The following TET1 variants were observed in gnomAD, a reference collection of about 807,000 sequenced individuals.
TET1 encodes methylcytosine dioxygenase TET1.
Under a neutral mutation model 148.7 loss-of-function variants are expected in TET1, and 13 were observed. The observed-to-expected ratio is 0.09, with a 90% CI of 0.06 to 0.14. The LOEUF is 0.14. Ranked by LOEUF, TET1 falls within the 10% of genes least tolerant of loss-of-function variation. The probability of loss-of-function intolerance (pLI) is 1.00; values close to 1 mark genes in which losing one functional copy is unlikely to be tolerated. For synonymous variants in TET1, 907 were observed against 937.2 expected, an observed-to-expected ratio of 0.97 and a Z score of 0.59; for missense variants, 2,182 against 2,553.8, an observed-to-expected ratio of 0.85 and a Z score of 3.14.
intron 8 of TET1, among the ~76,000 whole-genome samples, chr10:68,676,288 T>TC (rs2055360352): frequency 8.3e-6 from 1 of 119,930 alleles, no homozygotes; most frequent in East Asian, 2.3e-4. Flanking sequence ...TTTTTTTTTT[T>TC]TTTTTTTTCT....
chr10:68,658,478 CT>C (rs2055058235), intron 6 of TET1, among the ~76,000 whole-genome samples: 1 of 152,154 alleles, frequency 6.6e-6, no homozygotes, highest in Non-Finnish European at 1.5e-5. Flanking sequence ...TATTGCTTCT[CT>C]TTTTAATGAT....
At chr10:68,600,041 C>T (rs1019395768) in intron 2 of TET1, among the ~76,000 whole-genome samples, 2 of 152,144 alleles carry the variant, frequency 1.3e-5, no homozygotes, top group East Asian at 3.9e-4. Flanking sequence ...CTGGGCAAAG[C>T]GCCTGCTGCA....
intron 10 of TET1, among the ~76,000 whole-genome samples, chr10:68,686,137 A>G (rs927833357): frequency 6.6e-6 from 1 of 152,236 alleles, no homozygotes; most frequent in African/African-American, 2.4e-5. Context: ...AGAAAATTAA[A>G]TATTATTCTG....
intron 6 of TET1, among the ~76,000 whole-genome samples, chr10:68,656,832 C>G (rs968997254): frequency 6.6e-6 from 1 of 151,848 alleles, no homozygotes; most frequent in Non-Finnish European, 1.5e-5. Flanking sequence ...TTGAGACCAT[C>G]CTGGACAATA....
At chr10:68,624,660 C>CCTTCTTTCTTTCTTTCTTTCTT (rs2054440434) in intron 3 of TET1, among the ~76,000 whole-genome samples, 6 of 74,458 alleles carry the variant, frequency 8.1e-5, no homozygotes, top group African/African-American at 3.2e-4. Flanking sequence ...TTCTTTCTTT[C>CCTTCTTTCTTTCTTTCTTTCTT]TCTCTCTCTC....
At chr10:68,632,930 T>C (rs921708383) in intron 3 of TET1, among the ~76,000 whole-genome samples, 2 of 150,662 alleles carry the variant, frequency 1.3e-5, no homozygotes, top group Non-Finnish European at 3.0e-5. Flanking sequence ...AGCATTTAAA[T>C]GGTATTTGAA....
At chr10:68,565,476 ATAT>A (rs1389213413) in intron 1 of TET1, among the ~76,000 whole-genome samples, 361 of 94,024 alleles carry the variant, frequency 3.8e-3, no homozygotes, top group African/African-American at 0.011. Context: ...AAAAAAAAAA[ATAT>A]ATATATATAT....
chr10:68,676,057 A>G (rs1429432516), intron 8 of TET1, among the ~76,000 whole-genome samples: 1 of 150,786 alleles, frequency 6.6e-6, no homozygotes, highest in Admixed American at 6.6e-5. Context: ...GGGTTTCACC[A>G]TCTTGGCCAG....
rs185767452 is a variant in TET1 at position 68,616,816 on chromosome 10, T to C, written c.1968+15782T>C. 3.4e-3 allele frequency among the ~76,000 whole-genome samples: 500 copies of C among 148,918 alleles called. 10 individuals are homozygous for C. Among genetic ancestry groups the C allele is most frequent in the Admixed American group, 0.024 (352 of 14,718 alleles). On this transcript the variant is annotated intron_variant, in intron 3 of 11. Coordinates refer to ENST00000373644, the MANE Select transcript of TET1 (RefSeq NM_030625.3). ...TCTGCCTCCCGGGTTCATGCCATTC[T>C]CCTGCCTCAGCCTCCCGAGCAGCTG...
chr10:68,614,699 T>G (rs1410750048), intron 3 of TET1, among the ~76,000 whole-genome samples: 1 of 152,132 alleles, frequency 6.6e-6, no homozygotes, highest in Admixed American at 6.6e-5. Flanking sequence ...GTTCAAGCAG[T>G]TCTCGTGCCT....
At chr10:68,599,629 C>G (rs1008116265) in intron 2 of TET1, among the ~76,000 whole-genome samples, 1 of 152,184 alleles carries the variant, frequency 6.6e-6, no homozygotes, top group Non-Finnish European at 1.5e-5. Flanking sequence ...GCTCAGGTCC[C>G]GATCCCTGGG....
chr10:68,622,938 C>T (rs191561460), intron 3 of TET1, among the ~76,000 whole-genome samples: 30 of 152,142 alleles, frequency 2.0e-4, no homozygotes, highest in African/African-American at 6.5e-4. Flanking sequence ...GCATTTTTGG[C>T]AATAATCCAC....
At chr10:68,624,671 TC>T (rs2054443017) in intron 3 of TET1, among the ~76,000 whole-genome samples, 1 of 97,890 alleles carries the variant, frequency 1.0e-5, no homozygotes, top group Non-Finnish European at 2.2e-5. Context: ...TCTCTCTCTC[TC>T]TCTCTCTCTC....
At chr10:68,653,196 T>C (rs566809668) in intron 6 of TET1, among the ~76,000 whole-genome samples, 2 of 152,140 alleles carry the variant, frequency 1.3e-5, no homozygotes, top group Non-Finnish European at 1.5e-5. Context: ...GTATTTTATA[T>C]TTATCCTGGT....
chr10:68,689,630 G>C (rs2055563064), intron 11 of TET1, among the ~76,000 whole-genome samples: 1 of 152,090 alleles, frequency 6.6e-6, no homozygotes, highest in Non-Finnish European at 1.5e-5. Context: ...CAAAAAATTA[G>C]CTGGGTGTGG....
intron 7 of TET1, among the ~76,000 whole-genome samples, chr10:68,669,483 T>TTTTTTTTTTTTG: frequency 7.3e-6 from 1 of 137,652 alleles, no homozygotes; most frequent in Non-Finnish European, 1.6e-5. Context: ...GCTTTTTTTT[T>TTTTTTTTTTTTG]TTTTTTTTTG....
chr10:68,606,226 G>C (rs1372949147), intron 3 of TET1, among the ~76,000 whole-genome samples: 1 of 152,124 alleles, frequency 6.6e-6, no homozygotes, highest in South Asian at 2.1e-4. Flanking sequence ...TATTCGCCAG[G>C]TGTGGTGGCA....
At chr10:68,672,693 T>TC (rs1380184386) in intron 7 of TET1, among the ~76,000 whole-genome samples, 6 of 152,034 alleles carry the variant, frequency 3.9e-5, no homozygotes, top group African/African-American at 1.2e-4. Context: ...TTAACCCTGG[T>TC]CCCCTAGTCA....
chr10:68,689,301 A>G lies in TET1; in HGVS notation c.5405-1507A>G, dbSNP rs141120870. ...GAGCTTCTGAAATTGATCATTATGTATTATATTATCAATTTATTATATTTT... is the reference window on the plus strand; with the variant it reads ...GAGCTTCTGAAATTGATCATTATGTGTTATATTATCAATTTATTATATTTT... On this transcript the variant is annotated intron_variant, in intron 11 of 11. Coordinates refer to ENST00000373644, the MANE Select transcript of TET1 (RefSeq NM_030625.3). Among the ~76,000 whole-genome samples, 216 of 152,318 alleles carry G rather than the reference A, an allele frequency of 1.4e-3. 1 individual carries two copies. The highest frequency in any genetic ancestry group is 6.8e-3 in the Middle Eastern group (2 of 294).
Sources: allele counts gnomAD v4.1 joint callset (sites outside exome capture counted in the v4.1 genomes callset), GRCh38; gene constraint gnomAD v4.1.1; transcripts MANE v1.5; gene names NCBI Gene and HGNC (gene_info 2026-07-23, HGNC 2026-07-21).